The following ERBB4 variants were observed in gnomAD, a reference collection of about 807,000 sequenced individuals.
ERBB4 encodes the protein erb-b2 receptor tyrosine kinase 4, also known as receptor tyrosine-protein kinase erbB-4.
ERBB4 carries 42 observed loss-of-function variants against 158.0 expected under a neutral mutation model. The ratio of observed to expected loss-of-function variants is 0.27; its 90% CI spans 0.21 to 0.34. ERBB4 has a LOEUF of 0.34. ERBB4 is among the 10% of genes least tolerant of loss of function. The pLI is 1.00. For synonymous variants in ERBB4, 583 were observed against 558.7 expected (o/e 1.04, Z -0.61); for missense variants, 1,333 against 1,624.1 (o/e 0.82, Z 3.08).
intron 19 of ERBB4, among the ~76,000 whole-genome samples, chr2:211,566,137 T>A (rs2067539031): frequency 6.6e-6 from 1 of 152,040 alleles, no homozygotes; most frequent in Non-Finnish European, 1.5e-5. Context: ...CAGGAGTAGG[T>A]CCTCTCCAAT....
chr2:211,398,198 C>T (rs1337848076), intron 25 of ERBB4, among the ~76,000 whole-genome samples: 1 of 152,052 alleles, frequency 6.6e-6, no homozygotes, highest in Non-Finnish European at 1.5e-5. Flanking sequence ...CTCCTCTACC[C>T]CACTCCTTAT....
Position 211,624,054 on chromosome 2 carries a change from G to A in ERBB4, c.2080-10C>T, listed in dbSNP as rs760341816. ...TTAATGGTTCCACCAACTGCAAAGCGGAAAGAAGAAGGTTATACTTTCAGT... is the reference window on the plus strand; with the variant it reads ...TTAATGGTTCCACCAACTGCAAAGCAGAAAGAAGAAGGTTATACTTTCAGT... On this transcript the variant is annotated splice_polypyrimidine_tract_variant and intron_variant, in intron 17 of 27. Coordinates refer to ENST00000342788, the MANE Select transcript of ERBB4 (RefSeq NM_005235.3). 10 of 1,613,764 alleles carry A rather than the reference G, an allele frequency of 6.2e-6. No individual in the cohort carries two copies. The highest frequency in any genetic ancestry group is 1.6e-4 in the Middle Eastern group (1 of 6,084).
intron 2 of ERBB4, among the ~76,000 whole-genome samples, chr2:212,061,974 A>G (rs574380976): frequency 6.6e-6 from 1 of 152,042 alleles, no homozygotes; most frequent in African/African-American, 2.4e-5. Context: ...ACCTCAGGTG[A>G]TCCACCTGCC....
intron 1 of ERBB4, among the ~76,000 whole-genome samples, chr2:212,304,474 A>C (rs1213707314): frequency 1.1e-5 from 1 of 94,904 alleles, no homozygotes; most frequent in African/African-American, 2.6e-5. Context: ...TAAAGAACAC[A>C]TATTTTTTTT....
chr2:212,155,221 CAT>C (rs2080996721), intron 1 of ERBB4, among the ~76,000 whole-genome samples: 1 of 151,946 alleles, frequency 6.6e-6, no homozygotes, highest in Non-Finnish European at 1.5e-5. Context: ...AATAATAACT[CAT>C]AATTATTTAC....
At chr2:212,185,924 T>C (rs2125699337) in intron 1 of ERBB4, among the ~76,000 whole-genome samples, 1 of 152,290 alleles carries the variant, frequency 6.6e-6, no homozygotes, top group Non-Finnish European at 1.5e-5. Flanking sequence ...CATAAAAATT[T>C]CTTAGGCAGT....
intron 1 of ERBB4, among the ~76,000 whole-genome samples, chr2:212,473,418 T>G (rs1395862383): frequency 6.6e-6 from 1 of 152,056 alleles, no homozygotes; most frequent in Non-Finnish European, 1.5e-5. Flanking sequence ...TTTGACAAAG[T>G]GAAAATTTGT....
At chr2:211,851,636 A>G (rs1457229348) in intron 3 of ERBB4, among the ~76,000 whole-genome samples, 3 of 151,950 alleles carry the variant, frequency 2.0e-5, no homozygotes, top group Admixed American at 6.6e-5. Context: ...TCAAAAAATA[A>G]TCATTGTTAT....
At chr2:212,336,146 G>A (rs766239562) in intron 1 of ERBB4, among the ~76,000 whole-genome samples, 1 of 151,904 alleles carries the variant, frequency 6.6e-6, no homozygotes, top group African/African-American at 2.4e-5. Context: ...CATTAAATTC[G>A]TGTTTTACCA....
chr2:212,179,552 G>A (rs2081788472), intron 1 of ERBB4, among the ~76,000 whole-genome samples: 1 of 151,538 alleles, frequency 6.6e-6, no homozygotes, highest in African/African-American at 2.4e-5. Flanking sequence ...ATTACCATGG[G>A]TTGTTGGGTG....
chr2:212,428,197 GATA>G (rs1233998676), intron 1 of ERBB4, among the ~76,000 whole-genome samples: 1 of 152,080 alleles, frequency 6.6e-6, no homozygotes, highest in East Asian at 1.9e-4. Flanking sequence ...TACAGGAAAT[GATA>G]ATAATATTTA....
chr2:212,031,442 ATTTG>A (rs1260261667), intron 2 of ERBB4, among the ~76,000 whole-genome samples: 9 of 152,106 alleles, frequency 5.9e-5, no homozygotes, highest in Non-Finnish European at 1.3e-4. Flanking sequence ...AGCTATTGTT[ATTTG>A]TTTAATACAC....
chr2:212,327,349 T>C (rs180826968), intron 1 of ERBB4, among the ~76,000 whole-genome samples: 172 of 152,050 alleles, frequency 1.1e-3, no homozygotes, highest in Middle Eastern at 6.8e-3. Flanking sequence ...CAATGACACA[T>C]AGTGTGTATG....
intron 3 of ERBB4, among the ~76,000 whole-genome samples, chr2:211,841,447 G>A (rs1193141313): frequency 1.3e-5 from 2 of 151,996 alleles, no homozygotes; most frequent in African/African-American, 2.4e-5. Context: ...AAAGCAAAAT[G>A]ATACCATGAC....
intron 20 of ERBB4, among the ~76,000 whole-genome samples, chr2:211,443,410 C>T (rs2064034139): frequency 6.6e-6 from 1 of 151,938 alleles, no homozygotes; most frequent in East Asian, 1.9e-4. Flanking sequence ...ACTATTTGGG[C>T]TTTGGGCTAA....
At chr2:211,691,704 G>A (rs2072828066) in intron 12 of ERBB4, among the ~76,000 whole-genome samples, 1 of 151,786 alleles carries the variant, frequency 6.6e-6, no homozygotes, top group African/African-American at 2.4e-5. Context: ...GGACATTAAA[G>A]CTGAAATAAG....
intron 1 of ERBB4, among the ~76,000 whole-genome samples, chr2:212,213,964 G>A (rs139744900): frequency 6.2e-4 from 94 of 151,886 alleles, no homozygotes; most frequent in Non-Finnish European, 6.6e-4. Context: ...TGATTGACAC[G>A]GAGGATTTTC....
intron 1 of ERBB4, among the ~76,000 whole-genome samples, chr2:212,391,208 A>C (rs1018665440): frequency 6.6e-6 from 1 of 151,768 alleles, no homozygotes; most frequent in Non-Finnish European, 1.5e-5. Context: ...TAGGCGTTCT[A>C]CTTAAAACTC....
At chr2:211,440,422 G>A (rs1206498532) in intron 20 of ERBB4, among the ~76,000 whole-genome samples, 2 of 152,144 alleles carry the variant, frequency 1.3e-5, no homozygotes, top group African/African-American at 4.8e-5. Flanking sequence ...GCAACCTCTA[G>A]ATTAATAGAA....
Sources: allele counts gnomAD v4.1 joint callset (sites outside exome capture counted in the v4.1 genomes callset), GRCh38; gene constraint gnomAD v4.1.1; transcripts MANE v1.5; gene names NCBI Gene and HGNC (gene_info 2026-07-23, HGNC 2026-07-21).